ADAD2: variants seen among roughly 807,000 people sequenced by gnomAD.
The protein encoded by ADAD2 is adenosine deaminase domain-containing protein 2.
ADAD2 carries 60 observed loss-of-function variants against 54.5 expected under a neutral mutation model. The observed-to-expected ratio is 1.10, with a 90% CI of 0.89 to 1.36. The LOEUF is 1.36. ADAD2 is among the 40% of genes most tolerant of loss of function. The pLI is 0.00. For synonymous variants in ADAD2, 543 were observed against 366.2 expected, an observed-to-expected ratio of 1.48 and a Z score of -5.51; for missense variants, 1,103 against 801.3, an observed-to-expected ratio of 1.38 and a Z score of -4.54.
In ADAD2 at chr16:84,191,413, C is replaced by G. The variant is rs1016408062; in HGVS notation, c.183C>G (p.Val61=). The G allele has an allele frequency of 2.0e-6, 3 of 1,495,516 alleles. No homozygotes were observed. Among genetic ancestry groups the G allele is most frequent in the East Asian group, 4.9e-5 (2 of 40,642 alleles). The allele number at this position is 1,495,516 out of a possible 1,614,324, so 92.6% of individuals were successfully genotyped here. A position where few individuals can be genotyped will look rare whatever the true frequency, so the allele number is the denominator to read the frequency against. The change falls in exon 1 of 10, where the codon GTC becomes GTG. Residue 61 remains valine, a synonymous_variant. Transcript: ENST00000315906. ...TYRAEGGWPQ[V]SVLRDSGPGA... ...GCGCGGAGGGCGGGTGGCCCCAGGT[C>G]TCGGTGTTGAGGGACAGTGGGCCTG...
chr16:84,192,008 C>T (rs908377622), intron 1 of ADAD2: 38 of 412,492 alleles, frequency 9.2e-5, no homozygotes, highest in Non-Finnish European at 1.5e-4. Context: ...GAAATGGGAG[C>T]CACTCCCCTG....
In ADAD2 at chr16:84,191,404, GC is replaced by G; in HGVS notation, c.178del (p.Gln60ArgfsTer5). 6.7e-7 allele frequency: 1 copy of G among 1,495,254 alleles called. No homozygotes were observed. Among genetic ancestry groups the G allele is most frequent in the Non-Finnish European group, 8.9e-7 (1 of 1,126,346 alleles). 92.6% of individuals were successfully genotyped at this position (1,495,254 alleles called of 1,614,324 possible). ...PATYRAEGGW[P>X]QVSVLRDSGP... ...CGACGTATCGCGCGGAGGGCGGGTG[GC>G]CCCAGGTCTCGGTGTTGAGGGACAG... On this transcript the variant is annotated frameshift_variant, in exon 1 of 10. Transcript: ENST00000315906. LOFTEE classifies it high-confidence loss of function.
Position 84,195,806 on chromosome 16 carries a change from G to A in ADAD2, c.1053-9G>A, listed in dbSNP as rs369940640. ...CTGAAGCTGATGTCTGTCCCCACCC[G>A]GCCCGCAGCCTGCCCCCCACCTCGG... is the stretch of plus-strand genomic sequence containing the variant. On this transcript the variant is annotated splice_polypyrimidine_tract_variant and intron_variant, in intron 6 of 9. Transcript: ENST00000315906. The A allele has an allele frequency of 1.4e-5, 23 of 1,592,428 alleles. No homozygotes were observed. Among genetic ancestry groups the A allele is most frequent in the East Asian group, 4.5e-5 (2 of 44,510 alleles).
chr16:84,191,905 T>A, intron 1 of ADAD2: 2 of 606,180 alleles, frequency 3.3e-6, no homozygotes, highest in Admixed American at 2.8e-5. Context: ...CCCACCTGAC[T>A]TCCAGGGAGG....
rs758881760 is a variant in ADAD2 at position 84,195,665 on chromosome 16, C to T, written c.1020C>T (p.Ser340=). ...GCGTCTTCCTGCACCTCTACATCAGCAACACCCCCAAGGGCGCGGCCCGTG... is the reference window on the plus strand; with the variant it reads ...GCGTCTTCCTGCACCTCTACATCAGTAACACCCCCAAGGGCGCGGCCCGTG... The part of the protein sequence containing the change: ...KPRVFLHLYI[S]NTPKGAARDI... Residue 340 remains serine, a synonymous_variant, in exon 6 of 10, where the codon AGC becomes AGT. Transcript: ENST00000315906. 2.5e-6 allele frequency: 4 copies of T among 1,580,968 alleles called. No homozygotes were observed. The highest frequency in any genetic ancestry group is 2.7e-5 in the African/African-American group (2 of 73,312).
chr16:84,191,626 C>T lies in ADAD2; in HGVS notation c.396C>T (p.Leu132=), dbSNP rs775029443. 3 of 1,555,962 alleles carry T rather than the reference C, an allele frequency of 1.9e-6. No homozygotes were observed. Among genetic ancestry groups the T allele is most frequent in the African/African-American group, 2.7e-5 (2 of 73,482 alleles). The change falls in exon 1 of 10, where the codon CTC becomes CTT. Residue 132 remains leucine (L), a synonymous_variant. Transcript: ENST00000315906. ...EYAASLGIFL[L]FREDQPPGPC... is the part of the protein sequence containing the mutation. ...CGGCCAGCCTGGGCATCTTCCTGCTCTTCCGGGAGGACCAGCCACCAGGTG... is the reference window on the plus strand; with the variant it reads ...CGGCCAGCCTGGGCATCTTCCTGCTTTTCCGGGAGGACCAGCCACCAGGTG...
At position 84,195,594 on chromosome 16, in the gene ADAD2, C is replaced by G. The variant is rs377399416; in HGVS notation, c.949C>G (p.Leu317Val). 1.9e-6 allele frequency: 3 copies of G among 1,604,392 alleles called. No homozygotes were observed. Among genetic ancestry groups the G allele is most frequent in the Non-Finnish European group, 2.6e-6 (3 of 1,175,836 alleles). The change falls in exon 6 of 10, where the codon CTG becomes GTG. Residue 317 changes from leucine (L) to valine (V), a missense_variant. Physicochemically the swap from Leu to Val is conservative, Grantham distance 32 (BLOSUM62 1). Coordinates refer to ENST00000315906, the MANE Select transcript of ADAD2 (RefSeq NM_001145400.2). ...GGPKGKEQSV[L>V]APQPGPGPPF... Reference sequence around the variant, plus strand: ...CCCCAAGGGCAAGGAGCAGTCCGTGCTGGCCCCCCAGCCAGGGCCCGGACC... The same window carrying G: ...CCCCAAGGGCAAGGAGCAGTCCGTGGTGGCCCCCCAGCCAGGGCCCGGACC...
At chr16:84,192,189 G>A (rs1313305517) in intron 1 of ADAD2, among the ~76,000 whole-genome samples, 2 of 152,172 alleles carry the variant, frequency 1.3e-5, no homozygotes, top group Non-Finnish European at 2.9e-5. Flanking sequence ...CTGTTGCCCA[G>A]ACTGGAATGC....
chr16:84,196,785 C>T lies in ADAD2; in HGVS notation c.1647+18C>T, dbSNP rs539910158. 2.5e-6 allele frequency: 4 copies of T among 1,603,432 alleles called. No individual in the cohort carries two copies. Among genetic ancestry groups the T allele is most frequent in the East Asian group, 2.2e-5 (1 of 44,634 alleles). ...CTGCCAAGGTTGGTTCCCCACCCTC[C>T]CCCCGTCCCGGTCCCTCTCCAGCCC... On this transcript the variant is annotated intron_variant, in intron 9 of 9. Coordinates refer to ENST00000315906, the MANE Select transcript of ADAD2 (RefSeq NM_001145400.2).
intron 8 of ADAD2, 79 bp downstream of exon 8, chr16:84,196,449 T>C: frequency 6.4e-7 from 1 of 1,558,694 alleles, no homozygotes. Context: ...CTCACCTCAG[T>C]CTAATCCCAG....
intron 8 of ADAD2, 107 bp downstream of exon 8, chr16:84,196,477 A>G (rs59437930): frequency 1.6e-4 from 99 of 606,948 alleles, no homozygotes; most frequent in Middle Eastern, 8.4e-4. Context: ...CCTTCGCTCA[A>G]CCCCTTCGCT....
At position 84,191,642 on chromosome 16, in the gene ADAD2, C is replaced by G. The variant is rs913209333; in HGVS notation, c.412C>G (p.Pro138Ala). ...GIFLLFREDQ[P>A]PGPCFPFSVS... ...CTTCCTGCTCTTCCGGGAGGACCAG[C>G]CACCAGGTGAGGCCGGGCCGGGGCA... The change falls in exon 1 of 10, where the codon CCA (proline) becomes GCA (alanine). Residue 138 changes from proline to alanine, a missense_variant. Transcript: ENST00000315906. 1.3e-6 allele frequency: 2 copies of G among 1,558,046 alleles called. No homozygotes were observed. The highest frequency in any genetic ancestry group is 1.2e-5 in the South Asian group (1 of 84,790).
At position 84,191,463 on chromosome 16, in the gene ADAD2, TG is replaced by T; in HGVS notation, c.238del (p.Ala80GlnfsTer68). ...GGGGCAGGGGCCGGAGTCGGGGAAC[TG>T]GGGGCAGCCCGGGCGTGGGAAAACT... ...GPGAGAGVGE[L>X]GAARAWENLG... On this transcript the variant is annotated frameshift_variant, in exon 1 of 10. Coordinates refer to ENST00000315906, the MANE Select transcript of ADAD2 (RefSeq NM_001145400.2). LOFTEE classifies it high-confidence loss of function. 1 of 1,531,326 alleles carries T rather than the reference TG, an allele frequency of 6.5e-7. No individual in the cohort carries two copies. The highest frequency in any genetic ancestry group is 8.8e-7 in the Non-Finnish European group (1 of 1,141,324). 94.9% of individuals were successfully genotyped at this position (1,531,326 alleles called of 1,614,324 possible). A position where few individuals can be genotyped will look rare whatever the true frequency, so the allele number is the denominator to read the frequency against.
Position 84,196,022 on chromosome 16 carries a change from C to G in ADAD2, c.1260C>G (p.Leu420=), listed in dbSNP as rs1426715612. 7 of 1,599,158 alleles carry G rather than the reference C, an allele frequency of 4.4e-6. No homozygotes were observed. The highest frequency in any genetic ancestry group is 1.7e-5 in the Admixed American group (1 of 60,010). Residue 420 remains leucine, a synonymous_variant, in exon 7 of 10, where the codon CTC becomes CTG. Coordinates refer to ENST00000315906, the MANE Select transcript of ADAD2 (RefSeq NM_001145400.2). ...TGCTGGCCCACCTGGTGTCCCCACT[C>G]TACAGCACCAGCCTCATCCTGGGTG... The part of the protein sequence containing the change: ...GALLAHLVSP[L]YSTSLILADS...
At chr16:84,193,763 C>A (rs985842532) in intron 1 of ADAD2, 2 of 414,790 alleles carry the variant, frequency 4.8e-6, no homozygotes, top group African/African-American at 2.0e-5. Context: ...ATCCCTTCCA[C>A]GTCTGTCTGT....
rs1228466775 is a variant in ADAD2, at chr16:84,194,580, C to T, written c.557C>T (p.Pro186Leu). The T allele has an allele frequency of 1.2e-6, 2 of 1,602,518 alleles. No individual in the cohort carries two copies. The highest frequency in any genetic ancestry group is 1.7e-6 in the Non-Finnish European group (2 of 1,174,614). Residue 186 changes from proline (P) to leucine (L), a missense_variant and splice_region_variant, in exon 2 of 10, where the codon CCA (proline) becomes CTA (leucine). Transcript: ENST00000315906. Reference sequence around the variant, plus strand: ...TACATCCGGAGTCAGCTGGAGAACCCAGGTAATGGAGGGAGGGCCAGGCAG... The same window carrying T: ...TACATCCGGAGTCAGCTGGAGAACCTAGGTAATGGAGGGAGGGCCAGGCAG... ...LCYIRSQLEN[P>L]ESPQTSSRPP...
intron 2 of ADAD2, 139 bp from the exon 3 acceptor site, chr16:84,194,794 A>G: frequency 1.6e-6 from 2 of 1,257,944 alleles, no homozygotes; most frequent in South Asian, 1.4e-5. Flanking sequence ...CACCGGGGGT[A>G]GGGACCGCTA....
rs770392137 is a variant in ADAD2 at position 84,195,861 on chromosome 16, C to T, written c.1099C>T (p.Arg367Cys). The T allele has an allele frequency of 6.8e-6, 11 of 1,606,252 alleles. No individual in the cohort carries two copies. The highest frequency in any genetic ancestry group is 1.7e-5 in the Admixed American group (1 of 59,896). ...TGGCCTCCCGCACAGCCCACCCATG[C>T]GCCTGCAGGCCCATGTGCTCGGGCA... ...EGGLPHSPPM[R>C]LQAHVLGQLK... The change falls in exon 7 of 10, where the codon CGC becomes TGC. Residue 367 changes from arginine (R) to cysteine (C), a missense_variant. Coordinates refer to ENST00000315906, the MANE Select transcript of ADAD2 (RefSeq NM_001145400.2).
rs560224971 is a variant in ADAD2 at position 84,194,531 on chromosome 16, C to T, written c.508C>T (p.Gln170Ter). 1.9e-6 allele frequency: 3 copies of T among 1,611,268 alleles called. No homozygotes were observed. Among genetic ancestry groups the T allele is most frequent in the Non-Finnish European group, 2.5e-6 (3 of 1,179,018 alleles). The change falls in exon 2 of 10, where the codon CAG becomes TAG. Residue 170 changes from glutamine (Q) to a stop codon, truncating the protein, a stop_gained. Coordinates refer to ENST00000315906, the MANE Select transcript of ADAD2 (RefSeq NM_001145400.2). LOFTEE classifies it high-confidence loss of function. ...TANSKTEAKQ[Q>*]AALSALCYIR... ...GAATAGCAAGACGGAGGCCAAACAG[C>T]AGGCAGCGCTCTCTGCCCTCTGCTA...
Sources: gnomAD v4.1 joint callset for allele counts (sites outside exome capture counted in the v4.1 genomes callset) on GRCh38, gnomAD v4.1.1 for gene constraint, MANE v1.5 for transcripts, NCBI Gene and HGNC (gene_info 2026-07-23, HGNC 2026-07-21) for gene names.